The following HIVEP3 variants were observed in gnomAD, a reference collection of about 807,000 sequenced individuals.
HIVEP3 encodes HIVEP zinc finger 3.
Under a neutral mutation model 152.8 loss-of-function variants are expected in HIVEP3, and 49 were observed. That is an observed-to-expected ratio of 0.32 (90% CI 0.26 to 0.41). HIVEP3 has a LOEUF of 0.41. Among genes scored for constraint, HIVEP3 ranks in the 10% least tolerant of loss-of-function variants. HIVEP3 has a pLI of 1.00. For missense variants in HIVEP3, 2,790 were observed against 3,103.3 expected (o/e 0.90, Z 2.40); for synonymous variants, 1,269 against 1,289.0 (o/e 0.98, Z 0.33).
intron 3 of HIVEP3, among the ~76,000 whole-genome samples, chr1:41,605,287 C>T (rs115830019): frequency 0.028 from 4,267 of 150,752 alleles, 197 homozygotes; most frequent in African/African-American, 0.1. Context: ...GTATTTACTC[C>T]GAAGGGGCAT....
intron 2 of HIVEP3, among the ~76,000 whole-genome samples, chr1:41,675,266 A>C (rs1299458492): frequency 6.6e-6 from 1 of 151,722 alleles, no homozygotes; most frequent in Non-Finnish European, 1.5e-5. Context: ...CCCTCGATCC[A>C]CCTGGGGCGT....
chr1:41,874,699 A>C (rs1644138854), intron 1 of HIVEP3, among the ~76,000 whole-genome samples: 1 of 152,206 alleles, frequency 6.6e-6, no homozygotes, highest in African/African-American at 2.4e-5. Context: ...TTCTATTAGA[A>C]AACAGCTGGA....
rs536458776 is a variant in HIVEP3, at chr1:41,561,443, C to G, written c.5207+14101G>C. Among the ~76,000 whole-genome samples the G allele has an allele frequency of 1.2e-4, 18 of 152,202 alleles. No homozygotes were observed. In the East Asian group the frequency reaches 3.1e-3, roughly 26 times the overall value. On this transcript the variant is annotated intron_variant, in intron 5 of 8. Coordinates refer to ENST00000372583, the MANE Select transcript of HIVEP3 (RefSeq NM_024503.5). ...AAAGGTAAAATGTTCTTGTGATTTG[C>G]AGCTAAGAAAATTCAGGTGGACCCA...
chr1:41,950,269 G>C (rs1437701335), intron 1 of HIVEP3, among the ~76,000 whole-genome samples: 2 of 152,116 alleles, frequency 1.3e-5, no homozygotes, highest in East Asian at 1.9e-4. Context: ...CCCTCCCTTT[G>C]TATGGGAGTT....
intron 1 of HIVEP3, among the ~76,000 whole-genome samples, chr1:41,708,839 C>T (rs1646471622): frequency 6.6e-6 from 1 of 152,158 alleles, no homozygotes; most frequent in South Asian, 2.1e-4. Context: ...ACCTAGTAGC[C>T]ATGTCATCCC....
At chr1:41,801,267 T>TC (rs1288983773) in intron 1 of HIVEP3, among the ~76,000 whole-genome samples, 2 of 151,992 alleles carry the variant, frequency 1.3e-5, no homozygotes, top group African/African-American at 4.8e-5. Context: ...AAGAGCAACA[T>TC]CCCCCTCCCT....
chr1:41,895,973 A>G (rs142549439), intron 1 of HIVEP3, among the ~76,000 whole-genome samples: 1 of 152,240 alleles, frequency 6.6e-6, no homozygotes, highest in African/African-American at 2.4e-5. Context: ...CACTGCCCGG[A>G]TGAATATTAA....
chr1:41,949,486 AG>A (rs1473345741), intron 1 of HIVEP3, among the ~76,000 whole-genome samples: 1 of 152,206 alleles, frequency 6.6e-6, no homozygotes, highest in East Asian at 1.9e-4. Context: ...TCGCCAAAAG[AG>A]GGGGAACCTG....
At chr1:41,730,695 AC>A (rs1646826856) in intron 1 of HIVEP3, among the ~76,000 whole-genome samples, 1 of 152,242 alleles carries the variant, frequency 6.6e-6, no homozygotes, top group Non-Finnish European at 1.5e-5. Context: ...CACAGGCCCA[AC>A]GTCAGGTGGC....
chr1:42,004,582 T>A (rs980881515), intron 1 of HIVEP3, among the ~76,000 whole-genome samples: 2 of 152,176 alleles, frequency 1.3e-5, no homozygotes, highest in African/African-American at 2.4e-5. Flanking sequence ...TACTGTATGA[T>A]CACATGAACT....
chr1:41,735,757 T>C (rs1570426562), intron 1 of HIVEP3, among the ~76,000 whole-genome samples: 1 of 152,142 alleles, frequency 6.6e-6, no homozygotes, highest in Non-Finnish European at 1.5e-5. Context: ...GCCTGCTCCC[T>C]GGCCACCCAC....
intron 1 of HIVEP3, among the ~76,000 whole-genome samples, chr1:41,879,890 C>T (rs1328643316): frequency 6.6e-6 from 1 of 152,170 alleles, no homozygotes; most frequent in Non-Finnish European, 1.5e-5. Context: ...AGAAAAATAG[C>T]CAACTCACAT....
In HIVEP3 at chr1:41,584,283, G is replaced by A; in HGVS notation, c.515C>T (p.Ser172Phe). ...KVFVPRPSQVSLKPTEEAHKK... is the reference protein window; with the variant it reads ...KVFVPRPSQVFLKPTEEAHKK... ...GTGTGCCTCTTCTGTGGGCTTCAAG[G>A]AGACCTGGGAAGGACGAGGCACGAA... The change falls in exon 4 of 9, where the codon TCC (serine) becomes TTC (phenylalanine). Residue 172 changes from serine to phenylalanine, a missense_variant. Ser to Phe is a radical substitution (Grantham distance 155, BLOSUM62 -2). Coordinates refer to ENST00000372583, the MANE Select transcript of HIVEP3 (RefSeq NM_024503.5). The surrounding 1 kb of genome is among the most constrained non-coding windows in gnomAD (Gnocchi z 5.2). 4 of 1,613,684 alleles carry A rather than the reference G, an allele frequency of 2.5e-6. No homozygotes were observed. The highest frequency in any genetic ancestry group is 2.2e-5 in the East Asian group (1 of 44,840).
chr1:41,930,304 C>T (rs1644990094), intron 1 of HIVEP3, among the ~76,000 whole-genome samples: 1 of 152,118 alleles, frequency 6.6e-6, no homozygotes, highest in South Asian at 2.1e-4. Context: ...CAACCCAAAC[C>T]CCAACCCCTG....
chr1:41,559,447 G>A (rs1433267757), intron 5 of HIVEP3, among the ~76,000 whole-genome samples: 1 of 152,100 alleles, frequency 6.6e-6, no homozygotes, highest in East Asian at 1.9e-4. Context: ...TCCCTGGCAG[G>A]ACACTTTCCT....
intron 1 of HIVEP3, among the ~76,000 whole-genome samples, chr1:41,758,415 T>A (rs1647456502): frequency 2.0e-5 from 3 of 152,194 alleles, no homozygotes. Flanking sequence ...TGCAGACACA[T>A]CTATCCACCA....
chr1:42,007,715 C>T (rs1244057622), intron 1 of HIVEP3, among the ~76,000 whole-genome samples: 2 of 152,188 alleles, frequency 1.3e-5, no homozygotes, highest in African/African-American at 4.8e-5. Flanking sequence ...TCCACTGGGG[C>T]TTCTCAGCTT....
At chr1:42,021,960 T>C (rs534891871) in intron 1 of HIVEP3, among the ~76,000 whole-genome samples, 7 of 152,190 alleles carry the variant, frequency 4.6e-5, no homozygotes, top group Non-Finnish European at 7.3e-5. Context: ...TTTCTCTCCA[T>C]CTGTCCGCTA....
At chr1:41,964,441 C>T (rs570631138) in intron 1 of HIVEP3, among the ~76,000 whole-genome samples, 11 of 152,332 alleles carry the variant, frequency 7.2e-5, no homozygotes, top group African/African-American at 2.6e-4. Context: ...GCCCACACAA[C>T]CAGGGTCTTG....
Sources: gnomAD v4.1 joint callset for allele counts (sites outside exome capture counted in the v4.1 genomes callset) on GRCh38, gnomAD v4.1.1 for gene constraint, Gnocchi (gnomAD v3.1) non-coding constraint, MANE v1.5 for transcripts, NCBI Gene and HGNC (gene_info 2026-07-23, HGNC 2026-07-21) for gene names.